Variants in RNF130 observed in about 807,000 individuals in gnomAD.
RNF130 encodes ring finger protein 130.
RNF130 carries 21 observed loss-of-function variants against 44.6 expected under a neutral mutation model. The ratio of observed to expected loss-of-function variants is 0.47; its 90% CI spans 0.33 to 0.68. The LOEUF (loss-of-function observed/expected upper bound fraction) is 0.68. RNF130 is among the 30% of genes least tolerant of loss of function. RNF130 has a pLI of 0.02. For synonymous variants in RNF130, 214 were observed against 210.4 expected (o/e 1.02, Z -0.15); for missense variants, 479 against 560.6 (o/e 0.85, Z 1.47).
At chr5:179,927,955 C>G (rs1761729626) in intron 7 of RNF130, among the ~76,000 whole-genome samples, 1 of 152,096 alleles carries the variant, frequency 6.6e-6, no homozygotes, top group African/African-American at 2.4e-5. Flanking sequence ...TGTCTAGACT[C>G]TGTCTGACAC....
chr5:180,021,015 C>T (rs1227656861), intron 2 of RNF130, among the ~76,000 whole-genome samples: 1 of 137,356 alleles, frequency 7.3e-6, no homozygotes, highest in African/African-American at 2.7e-5. Flanking sequence ...CGGAGTCTCA[C>T]TCTGTCGCCA....
intron 8 of RNF130, among the ~76,000 whole-genome samples, chr5:179,960,355 A>C (rs1042696159): frequency 6.6e-6 from 1 of 152,252 alleles, no homozygotes; most frequent in Non-Finnish European, 1.5e-5. Context: ...TTTAATGTAT[A>C]ATCAGTCGCA....
At chr5:180,055,248 C>CAAAAAAAAAACAAAAAAA (rs1764779977) in intron 1 of RNF130, among the ~76,000 whole-genome samples, 1 of 20,980 alleles carries the variant, frequency 4.8e-5, no homozygotes, top group Non-Finnish European at 7.3e-5. Context: ...GGTTCTGTCT[C>CAAAAAAAAAACAAAAAAA]AAAAAAAAAA....
exon 8 of RNF130, chr5:179,913,697 C>T (rs946443727): frequency 6.6e-6 from 1 of 152,150 alleles, no homozygotes; most frequent in African/African-American, 2.4e-5. Context: ...AGGATACCCA[C>T]AAAAAAGAGG....
chr5:179,923,072 T>C (rs1468038176), intron 7 of RNF130, among the ~76,000 whole-genome samples: 1 of 152,204 alleles, frequency 6.6e-6, no homozygotes, highest in Non-Finnish European at 1.5e-5. Flanking sequence ...AATTTATTGA[T>C]TTTTTCCTAT....
chr5:179,932,637 A>T (rs1046846572), intron 7 of RNF130, among the ~76,000 whole-genome samples: 1 of 150,552 alleles, frequency 6.6e-6, no homozygotes, highest in Non-Finnish European at 1.5e-5. Context: ...CAGGAGATCA[A>T]GACCAGCCTG....
At chr5:179,937,933 T>TGAGAGAGAGAGAGA (rs3078901) in intron 7 of RNF130, among the ~76,000 whole-genome samples, 2 of 116,226 alleles carry the variant, frequency 1.7e-5, no homozygotes, top group East Asian at 2.5e-4. Flanking sequence ...TGTGTGTGTG[T>TGAGAGAGAGAGAGA]GAGAGAGAGA....
chr5:179,999,519 C>T (rs753987129), intron 3 of RNF130, among the ~76,000 whole-genome samples: 5 of 151,874 alleles, frequency 3.3e-5, no homozygotes, highest in East Asian at 1.9e-4. Context: ...GTCAGGATTT[C>T]GAGATCAGCC....
chr5:179,945,793 C>CT (rs974826784), intron 7 of RNF130, among the ~76,000 whole-genome samples: 23 of 152,194 alleles, frequency 1.5e-4, no homozygotes, highest in African/African-American at 5.3e-4. Flanking sequence ...GCAGGAAACT[C>CT]TGTCATCTGT....
intron 3 of RNF130, among the ~76,000 whole-genome samples, chr5:179,997,090 T>TTTCAAATCTTTTTATTTC (rs1763216969): frequency 6.6e-6 from 1 of 152,316 alleles, no homozygotes; most frequent in Admixed American, 6.5e-5. Context: ...AATTTTATTT[T>TTTCAAATCTTTTTATTTC]TTCAAATCTT....
At chr5:179,931,068 G>A (rs146018782) in intron 7 of RNF130, among the ~76,000 whole-genome samples, 121 of 150,876 alleles carry the variant, frequency 8.0e-4, no homozygotes, top group African/African-American at 2.9e-3. Context: ...TCAAGAATAG[G>A]TGTTGAATTT....
chr5:179,997,095 A>C (rs1763217054), intron 3 of RNF130, among the ~76,000 whole-genome samples: 1 of 151,976 alleles, frequency 6.6e-6, no homozygotes, highest in Non-Finnish European at 1.5e-5. Context: ...TATTTTTTCA[A>C]ATCTTTTTAT....
intron 6 of RNF130, among the ~76,000 whole-genome samples, chr5:179,970,200 CT>C (rs1195613963): frequency 6.6e-6 from 1 of 152,046 alleles, no homozygotes; most frequent in Admixed American, 6.6e-5. Context: ...AGTTATTTAC[CT>C]TCTCTTCCAG....
chr5:179,925,861 G>T (rs578234824), intron 7 of RNF130, among the ~76,000 whole-genome samples: 115 of 152,290 alleles, frequency 7.6e-4, no homozygotes, highest in African/African-American at 2.7e-3. Flanking sequence ...GTTGGAAGAC[G>T]TAGGCCCAGA....
chr5:180,013,272 C>A lies in RNF130; in HGVS notation c.482G>T (p.Arg161Met). Reference sequence around the variant, plus strand: ...CAGATAACTCAAAATATCCTTACCCCTCAATTCTGTTATCATGACAGCAAT... The same window carrying A: ...CAGATAACTCAAAATATCCTTACCCATCAATTCTGTTATCATGACAGCAAT... ...DIIAVMITEL[R>M]GKDILSYLEK... is the part of the protein sequence containing the mutation. Residue 161 changes from arginine to methionine, a missense_variant, in exon 3 of 9, where the codon AGG becomes ATG. Physicochemically the swap from Arg to Met is moderately conservative, Grantham distance 91. This residue lies in a region of RNF130 where 180 missense variants were observed against 275.1 expected (regional missense o/e 0.65). Coordinates refer to ENST00000521389, the MANE Select transcript of RNF130 (RefSeq NM_018434.6). The A allele has an allele frequency of 6.2e-7, 1 of 1,613,680 alleles. No homozygotes were observed. The highest frequency in any genetic ancestry group is 8.5e-7 in the Non-Finnish European group (1 of 1,179,640).
At chr5:180,010,244 C>CAAAAA (rs71001067) in intron 3 of RNF130, among the ~76,000 whole-genome samples, 2 of 41,086 alleles carry the variant, frequency 4.9e-5, no homozygotes, top group Non-Finnish European at 3.8e-5. Context: ...GACTACATCT[C>CAAAAA]AAAAAAAAAA....
intron 3 of RNF130, among the ~76,000 whole-genome samples, chr5:179,999,889 T>A (rs1303244996): frequency 6.6e-6 from 1 of 152,242 alleles, no homozygotes; most frequent in African/African-American, 2.4e-5. Context: ...TTCCTATCAA[T>A]TTTTAATTGC....
chr5:180,045,637 C>T (rs866259349), intron 1 of RNF130, among the ~76,000 whole-genome samples: 9 of 152,320 alleles, frequency 5.9e-5, no homozygotes, highest in Non-Finnish European at 7.3e-5. Flanking sequence ...CCCATTTTGA[C>T]AGGGTGCTGA....
chr5:180,002,194 T>C (rs1441455460), intron 3 of RNF130, among the ~76,000 whole-genome samples: 1 of 152,170 alleles, frequency 6.6e-6, no homozygotes, highest in Admixed American at 6.5e-5. Context: ...TGGGGAGGCA[T>C]GATTGCTCTG....
Sources: gnomAD v4.1 joint callset for allele counts (sites outside exome capture counted in the v4.1 genomes callset) on GRCh38, gnomAD v4.1.1 for gene constraint, gnomAD v4.1.1 regional missense constraint, MANE v1.5 for transcripts, NCBI Gene and HGNC (gene_info 2026-07-23, HGNC 2026-07-21) for gene names.